Variants in CHRM2 observed in about 807,000 individuals in gnomAD.
CHRM2 encodes the protein cholinergic receptor muscarinic 2.
CHRM2 carries 8 observed loss-of-function variants against 25.0 expected under a neutral mutation model. The ratio of observed to expected loss-of-function variants is 0.32; its 90% CI spans 0.19 to 0.58. CHRM2 has a LOEUF of 0.58. Ranked by LOEUF, CHRM2 falls within the 20% of genes least tolerant of loss-of-function variation. CHRM2 has a pLI of 0.88. For missense variants in CHRM2, 440 were observed against 567.1 expected (o/e 0.78, Z 2.28); for synonymous variants, 202 against 205.7 (o/e 0.98, Z 0.15).
At chr7:136,969,130 A>G (rs528045006) in intron 2 of CHRM2, among the ~76,000 whole-genome samples, 1 of 152,310 alleles carries the variant, frequency 6.6e-6, no homozygotes, top group Non-Finnish European at 1.5e-5. Flanking sequence ...GGCATTATGT[A>G]GAAGTTAAAC....
intron 3 of CHRM2, among the ~76,000 whole-genome samples, chr7:137,000,856 A>G (rs1803988687): frequency 6.6e-6 from 1 of 151,916 alleles, no homozygotes; most frequent in South Asian, 2.1e-4. Context: ...TAATTTTCCA[A>G]TTCGCTTAAC....
intron 2 of CHRM2, among the ~76,000 whole-genome samples, chr7:136,990,223 T>A (rs1489568326): frequency 6.6e-6 from 1 of 152,120 alleles, no homozygotes; most frequent in Non-Finnish European, 1.5e-5. Flanking sequence ...AACACATCAT[T>A]ATCACCCAAA....
In CHRM2 at chr7:136,884,880, C is replaced by T. The variant is rs187974997; in HGVS notation, c.-125+15462C>T. Among the ~76,000 whole-genome samples, 20 of 152,280 alleles carry T rather than the reference C, an allele frequency of 1.3e-4. No individual in the cohort carries two copies. In the East Asian group the frequency reaches 3.9e-3, roughly 29 times the overall value. ...TCATCTTTACTTCCTAAGAGAATTC[C>T]ACACTCAGTGAAGATCAAAACTTAC... On this transcript the variant is annotated intron_variant, in intron 2 of 3. Transcript: ENST00000680005.
At chr7:136,945,508 T>C (rs1290225496) in intron 2 of CHRM2, among the ~76,000 whole-genome samples, 1 of 152,162 alleles carries the variant, frequency 6.6e-6, no homozygotes, top group African/African-American at 2.4e-5. Flanking sequence ...ACTTTGTTTG[T>C]GTTTGCTTTC....
chr7:136,977,623 G>T (rs1427156259), intron 2 of CHRM2, among the ~76,000 whole-genome samples: 3 of 152,164 alleles, frequency 2.0e-5, no homozygotes, highest in Non-Finnish European at 4.4e-5. Flanking sequence ...GACTTGAATG[G>T]TCTTATCCAA....
At chr7:136,975,540 A>G (rs943664375) in intron 2 of CHRM2, among the ~76,000 whole-genome samples, 1 of 152,196 alleles carries the variant, frequency 6.6e-6, no homozygotes, top group African/African-American at 2.4e-5. Context: ...GGAAATACTA[A>G]TCTGCAATTT....
At chr7:136,896,578 G>A (rs1329590206) in intron 2 of CHRM2, among the ~76,000 whole-genome samples, 1 of 152,072 alleles carries the variant, frequency 6.6e-6, no homozygotes, top group Non-Finnish European at 1.5e-5. Context: ...GTGTGTGTGT[G>A]TTTTCATATG....
chr7:136,934,241 C>T (rs1028891724), intron 2 of CHRM2, among the ~76,000 whole-genome samples: 1 of 152,038 alleles, frequency 6.6e-6, no homozygotes, highest in Non-Finnish European at 1.5e-5. Flanking sequence ...AATTTGAGTC[C>T]TTTTAGATTC....
chr7:136,974,195 G>A (rs141984740), intron 2 of CHRM2, among the ~76,000 whole-genome samples: 1 of 152,220 alleles, frequency 6.6e-6, no homozygotes, highest in East Asian at 1.9e-4. Context: ...ACTGATTTGG[G>A]CACAGAGAGG....
chr7:137,008,228 AT>A (rs1804578304), intron 3 of CHRM2, among the ~76,000 whole-genome samples: 3 of 152,106 alleles, frequency 2.0e-5, no homozygotes, highest in Non-Finnish European at 4.4e-5. Flanking sequence ...ATACTTAAGT[AT>A]CCTTTACTAC....
At chr7:136,951,657 C>G (rs1323006465) in intron 2 of CHRM2, among the ~76,000 whole-genome samples, 1 of 152,130 alleles carries the variant, frequency 6.6e-6, no homozygotes, top group African/African-American at 2.4e-5. Context: ...AACTTGGGAT[C>G]TGGGATAGAA....
At chr7:137,002,661 T>C (rs421325) in intron 3 of CHRM2, among the ~76,000 whole-genome samples, 79,862 of 151,628 alleles carry the variant, frequency 0.53, 22,261 homozygotes, top group African/African-American at 0.64. Flanking sequence ...TACCACAGAA[T>C]GACAGTGAGA....
chr7:136,892,525 G>C (rs1433056804), intron 2 of CHRM2, among the ~76,000 whole-genome samples: 1 of 151,968 alleles, frequency 6.6e-6, no homozygotes. Flanking sequence ...AACAACCAAA[G>C]CAAACAAACA....
intron 2 of CHRM2, among the ~76,000 whole-genome samples, chr7:136,896,016 G>A (rs183882145): frequency 3.9e-5 from 6 of 152,196 alleles, no homozygotes; most frequent in East Asian, 3.9e-4. Flanking sequence ...CAAGGGCTTC[G>A]GTAGTGTTAT....
At chr7:136,884,116 A>G (rs1796368675) in intron 2 of CHRM2, among the ~76,000 whole-genome samples, 1 of 152,170 alleles carries the variant, frequency 6.6e-6, no homozygotes, top group Non-Finnish European at 1.5e-5. Flanking sequence ...TACATGATTG[A>G]GAATAGTTAA....
chr7:136,944,588 C>T (rs1799963077), intron 2 of CHRM2, among the ~76,000 whole-genome samples: 1 of 151,936 alleles, frequency 6.6e-6, no homozygotes, highest in African/African-American at 2.4e-5. Flanking sequence ...AGCATCTGGA[C>T]TGGTTCCATA....
rs529708352 is a variant in CHRM2, at chr7:136,978,455, TC to T, written c.-124-13731del. 3.6e-3 allele frequency among the ~76,000 whole-genome samples: 549 copies of T among 152,266 alleles called. 2 individuals are homozygous for T. Among genetic ancestry groups the T allele is most frequent in the African/African-American group, 0.012 (506 of 41,554 alleles). On this transcript the variant is annotated intron_variant, in intron 2 of 3. Transcript: ENST00000680005. ...TTTAAACAGGAGATTTATTAGCGCA[TC>T]TTTTTTTTATTGTACTTTAAGTTTT... is the stretch of plus-strand genomic sequence containing the variant.
intron 2 of CHRM2, among the ~76,000 whole-genome samples, chr7:136,890,932 C>T (rs114237577): frequency 3.7e-3 from 568 of 152,056 alleles, no homozygotes; most frequent in African/African-American, 0.013. Flanking sequence ...TTTGTTGCTT[C>T]CTTCTGTTAC....
intron 2 of CHRM2, among the ~76,000 whole-genome samples, chr7:136,876,624 A>G (rs1349658440): frequency 6.6e-6 from 1 of 152,132 alleles, no homozygotes; most frequent in Non-Finnish European, 1.5e-5. Flanking sequence ...CACATGGACA[A>G]TGAGTAACAG....
Sources: allele counts gnomAD v4.1 joint callset (sites outside exome capture counted in the v4.1 genomes callset), GRCh38; gene constraint gnomAD v4.1.1; transcripts MANE v1.5; gene names NCBI Gene and HGNC (gene_info 2026-07-23, HGNC 2026-07-21).